The following CDH18 variants were observed in gnomAD, a reference collection of about 807,000 sequenced individuals.
CDH18 encodes the protein cadherin 18.
In CDH18, 31 loss-of-function variants were observed where a neutral mutation model predicts 67.9. That is an observed-to-expected ratio of 0.46 (90% CI 0.34 to 0.62). CDH18 has a LOEUF of 0.62. Among genes scored for constraint, CDH18 ranks in the 20% least tolerant of loss-of-function variants. The pLI, the probability that CDH18 is intolerant of heterozygous loss-of-function variation, is 0.01. For missense variants in CDH18, 890 were observed against 975.5 expected, an observed-to-expected ratio of 0.91 and a Z score of 1.17; for synonymous variants, 362 against 347.2, an observed-to-expected ratio of 1.04 and a Z score of -0.48.
chr5:20,045,067 C>T (rs1048613584), intron 2 of CDH18, among the ~76,000 whole-genome samples: 11 of 152,014 alleles, frequency 7.2e-5, no homozygotes, highest in African/African-American at 2.7e-4. Flanking sequence ...TCAGCATTAC[C>T]CTCTCTCTAC....
chr5:19,675,425 G>T (rs1759345228), intron 5 of CDH18, among the ~76,000 whole-genome samples: 1 of 151,960 alleles, frequency 6.6e-6, no homozygotes, highest in Non-Finnish European at 1.5e-5. Flanking sequence ...GTAAAAGACA[G>T]ATGTCCCCAA....
chr5:20,066,115 T>C (rs575628096), intron 2 of CDH18, among the ~76,000 whole-genome samples: 4 of 152,092 alleles, frequency 2.6e-5, no homozygotes, highest in African/African-American at 9.6e-5. Context: ...AAAAACTACA[T>C]CAACAGAGAA....
chr5:20,298,595 T>A (rs369617905), intron 1 of CDH18, among the ~76,000 whole-genome samples: 1 of 152,190 alleles, frequency 6.6e-6, no homozygotes, highest in Non-Finnish European at 1.5e-5. Flanking sequence ...ATAGGGTTAA[T>A]ATCCTTGGAA....
At chr5:19,501,208 T>C (rs1281604122) in intron 11 of CDH18, among the ~76,000 whole-genome samples, 1 of 147,912 alleles carries the variant, frequency 6.8e-6, no homozygotes, top group African/African-American at 2.5e-5. Context: ...TATATAAACA[T>C]ATATATAATT....
chr5:20,305,693 G>C, intron 1 of CDH18: 1 of 431,376 alleles, frequency 2.3e-6, no homozygotes, highest in Non-Finnish European at 4.2e-6. Flanking sequence ...GTGTTCGGCA[G>C]CGAGGCGGCG....
intron 2 of CDH18, among the ~76,000 whole-genome samples, chr5:19,905,507 T>A (rs1345975512): frequency 6.6e-6 from 1 of 151,846 alleles, no homozygotes; most frequent in Admixed American, 6.6e-5. Context: ...ATATATATAA[T>A]TTATATGTAT....
chr5:19,520,695 A>G lies in CDH18; in HGVS notation c.1474T>C (p.Tyr492His). 6.2e-7 allele frequency: 1 copy of G among 1,613,426 alleles called. No individual in the cohort carries two copies. The highest frequency in any genetic ancestry group is 8.5e-7 in the Non-Finnish European group (1 of 1,179,606). The change falls in exon 10 of 13, where the codon TAT becomes CAT. Residue 492 changes from tyrosine (Y) to histidine (H), a missense_variant. Tyr to His is a moderately conservative substitution (Grantham distance 83, BLOSUM62 2). Around this residue, in one of 2 missense-constraint regions of CDH18, gnomAD observed 656 missense variants for 668.1 expected, o/e 0.98. Transcript: ENST00000382275. ...GAATTTTCACATACAATAATATCAT[A>G]TTCCCTGGCAAGTTCGGGTGGATTG... is the stretch of plus-strand genomic sequence containing the variant. ...NDNPPELARE[Y>H]DIIVCENSKP...
At chr5:20,568,997 G>A (rs1758662371) in intron 1 of CDH18, among the ~76,000 whole-genome samples, 1 of 152,116 alleles carries the variant, frequency 6.6e-6, no homozygotes, top group Non-Finnish European at 1.5e-5. Context: ...CATATTCACT[G>A]CATAATGCAC....
intron 2 of CDH18, among the ~76,000 whole-genome samples, chr5:20,149,932 T>A (rs1750970685): frequency 6.6e-6 from 1 of 152,098 alleles, no homozygotes; most frequent in African/African-American, 2.4e-5. Context: ...ATTGATTTTA[T>A]TTTCATTCCT....
chr5:19,665,528 T>A (rs1462118773), intron 5 of CDH18, among the ~76,000 whole-genome samples: 1 of 152,092 alleles, frequency 6.6e-6, no homozygotes, highest in Non-Finnish European at 1.5e-5. Flanking sequence ...TATGAATAGA[T>A]CTGAGAATAG....
At chr5:20,340,748 T>A (rs1740187319) in intron 1 of CDH18, among the ~76,000 whole-genome samples, 1 of 152,178 alleles carries the variant, frequency 6.6e-6, no homozygotes, top group Non-Finnish European at 1.5e-5. Context: ...GGAGTGAGCC[T>A]TTCTGATCTC....
chr5:20,026,980 T>C (rs1241092594), intron 2 of CDH18, among the ~76,000 whole-genome samples: 1 of 150,538 alleles, frequency 6.6e-6, no homozygotes, highest in Non-Finnish European at 1.5e-5. Context: ...ATAAATAAAA[T>C]AAAATTTGGA....
At chr5:20,545,157 A>T (rs1757271520) in intron 1 of CDH18, among the ~76,000 whole-genome samples, 1 of 152,194 alleles carries the variant, frequency 6.6e-6, no homozygotes, top group Non-Finnish European at 1.5e-5. Flanking sequence ...GTGGGCTCCC[A>T]AGGCCTTTGG....
intron 2 of CDH18, among the ~76,000 whole-genome samples, chr5:20,217,101 G>A (rs1740841970): frequency 6.6e-6 from 1 of 151,850 alleles, no homozygotes; most frequent in African/African-American, 2.4e-5. Flanking sequence ...AAAGCTGAGG[G>A]ATTTCATCAG....
At chr5:19,714,425 AT>A (rs988176965) in intron 5 of CDH18, among the ~76,000 whole-genome samples, 8 of 151,462 alleles carry the variant, frequency 5.3e-5, no homozygotes, top group East Asian at 3.9e-4. Context: ...TCTACAGCTG[AT>A]TTTTTTTCTT....
intron 1 of CDH18, among the ~76,000 whole-genome samples, chr5:20,482,624 C>A (rs1752894930): frequency 6.6e-6 from 1 of 151,958 alleles, no homozygotes. Flanking sequence ...TCAACATACA[C>A]AAATTAATCA....
In CDH18 at chr5:20,486,698, T is replaced by C. The variant is rs1049774911; in HGVS notation, c.-580+88764A>G. Among the ~76,000 whole-genome samples the C allele has an allele frequency of 3.8e-4, 57 of 150,534 alleles. 1 individual carries two copies. The highest frequency in any genetic ancestry group is 7.5e-4 in the African/African-American group (31 of 41,074). ...CTATTTTTGTATATATATATATATATACATATATGTGTGTGTGTGTATGTG... is the reference window on the plus strand; with the variant it reads ...CTATTTTTGTATATATATATATATACACATATATGTGTGTGTGTGTATGTG... On this transcript the variant is annotated intron_variant, in intron 1 of 14. Coordinates refer to the CDH18 transcript ENST00000507958.
chr5:20,042,555 C>T (rs1740521079), intron 2 of CDH18, among the ~76,000 whole-genome samples: 1 of 152,114 alleles, frequency 6.6e-6, no homozygotes, highest in Admixed American at 6.5e-5. Flanking sequence ...ATGTAACAAT[C>T]ACTACATTAA....
chr5:20,279,745 C>G (rs765078455), intron 1 of CDH18, among the ~76,000 whole-genome samples: 1 of 116,596 alleles, frequency 8.6e-6, no homozygotes, highest in Non-Finnish European at 1.8e-5. Flanking sequence ...ACTGTAAGAG[C>G]GAGATAGGCT....
Sources: allele counts gnomAD v4.1 joint callset (sites outside exome capture counted in the v4.1 genomes callset), GRCh38; gene constraint gnomAD v4.1.1; regional missense constraint gnomAD v4.1.1; transcripts MANE v1.5; gene names NCBI Gene and HGNC (gene_info 2026-07-23, HGNC 2026-07-21).